CAMLG: variants seen among roughly 807,000 people sequenced by gnomAD.
CAMLG encodes guided entry of tail-anchored proteins factor CAMLG.
CAMLG carries 23 observed loss-of-function variants against 28.9 expected under a neutral mutation model. The ratio of observed to expected loss-of-function variants is 0.80; its 90% CI spans 0.57 to 1.13. CAMLG has a LOEUF of 1.13. Ranked by LOEUF, CAMLG falls within the 50% of genes most tolerant of loss-of-function variation. The pLI, the probability that CAMLG is intolerant of heterozygous loss-of-function variation, is 0.00. For synonymous variants in CAMLG, 141 were observed against 146.5 expected (o/e 0.96, Z 0.27); for missense variants, 367 against 371.9 (o/e 0.99, Z 0.11).
intron 1 of CAMLG, among the ~76,000 whole-genome samples, chr5:134,740,654 G>GT (rs1409205013): frequency 6.6e-6 from 1 of 152,140 alleles, no homozygotes; most frequent in Non-Finnish European, 1.5e-5. Context: ...TGCAGATGGA[G>GT]TGTAGTGGCG....
chr5:134,745,750 CAAA>C (rs57899213), intron 3 of CAMLG, among the ~76,000 whole-genome samples: 1 of 117,044 alleles, frequency 8.5e-6, no homozygotes. Context: ...GAGACTGTCT[CAAA>C]AAAAAAAAAA....
intron 1 of CAMLG, among the ~76,000 whole-genome samples, chr5:134,740,608 G>A (rs997237639): frequency 1.3e-4 from 19 of 151,450 alleles, no homozygotes; most frequent in Non-Finnish European, 4.4e-5. Context: ...TCTTTTTTTT[G>A]TTTTGAGATG....
intron 3 of CAMLG, among the ~76,000 whole-genome samples, chr5:134,745,270 T>C (rs1411543017): frequency 6.6e-6 from 1 of 151,124 alleles, no homozygotes; most frequent in Non-Finnish European, 1.5e-5. Flanking sequence ...ATCCCATCTC[T>C]ACTAAAAATA....
chr5:134,740,311 G>T (rs1752967392), intron 1 of CAMLG, among the ~76,000 whole-genome samples: 2 of 152,110 alleles, frequency 1.3e-5, no homozygotes, highest in Non-Finnish European at 2.9e-5. Flanking sequence ...CACACCCTAT[G>T]CTCATAGGGC....
chr5:134,745,141 G>C (rs1226541070), intron 3 of CAMLG, among the ~76,000 whole-genome samples: 1 of 152,156 alleles, frequency 6.6e-6, no homozygotes, highest in Non-Finnish European at 1.5e-5. Context: ...CATTTGTTTA[G>C]AAATTCACCT....
At chr5:134,749,661 G>A (rs574059578) in intron 3 of CAMLG, among the ~76,000 whole-genome samples, 1 of 152,104 alleles carries the variant, frequency 6.6e-6, no homozygotes, top group African/African-American at 2.4e-5. Flanking sequence ...GAGACTTAAC[G>A]CTTCAAAAAA....
chr5:134,744,271 C>T (rs1189336171), intron 3 of CAMLG, among the ~76,000 whole-genome samples: 1 of 152,128 alleles, frequency 6.6e-6, no homozygotes, highest in Non-Finnish European at 1.5e-5. Context: ...CGCCTGTAAT[C>T]CCCACACTCT....
intron 3 of CAMLG, among the ~76,000 whole-genome samples, chr5:134,749,464 G>A (rs1481749027): frequency 6.6e-6 from 1 of 152,154 alleles, no homozygotes; most frequent in African/African-American, 2.4e-5. Flanking sequence ...AAAAAAATGA[G>A]ACTAGAAAAT....
At chr5:134,740,950 T>C in intron 1 of CAMLG, 113 bp from the exon 2 acceptor site, 1 of 707,882 alleles carries the variant, frequency 1.4e-6, no homozygotes, top group Non-Finnish European at 2.3e-6. Context: ...TTTATTTATT[T>C]TGATGCAGAG....
intron 3 of CAMLG, among the ~76,000 whole-genome samples, chr5:134,744,508 CAG>C (rs1396224993): frequency 3.9e-5 from 5 of 127,028 alleles, no homozygotes; most frequent in Admixed American, 9.5e-5. Flanking sequence ...GTCTGGGTGA[CAG>C]AGTGAGACTC....
rs1752977591 is a variant in CAMLG, at chr5:134,741,154, T to C, written c.264T>C (p.Gly88=). Residue 88 remains glycine (G), a synonymous_variant, in exon 2 of 4, where the codon GGT becomes GGC. Coordinates refer to ENST00000297156, the MANE Select transcript of CAMLG (RefSeq NM_001745.4). ...VPSVSKRVVL[G]DSVSTGTTDQ... Reference sequence around the variant, plus strand: ...CCGTTTCAAAGCGAGTAGTGCTGGGTGATTCAGTCAGTACAGGAACAACTG... The same window carrying C: ...CCGTTTCAAAGCGAGTAGTGCTGGGCGATTCAGTCAGTACAGGAACAACTG... The C allele has an allele frequency of 1.9e-6, 3 of 1,614,050 alleles. No homozygotes were observed. The highest frequency in any genetic ancestry group is 2.5e-6 in the Non-Finnish European group (3 of 1,179,930).
rs1332723202 is a variant in CAMLG at position 134,738,725 on chromosome 5, G to A, written c.105G>A (p.Lys35=). 1 of 1,614,110 alleles carries A rather than the reference G, an allele frequency of 6.2e-7. No homozygotes were observed. The highest frequency in any genetic ancestry group is 1.7e-5 in the Admixed American group (1 of 60,014). ...GTCGGGCGGAGCTGCGTCGGAGAAAGCTGCTCATGAACTCGGAACAGCGCA... is the reference window on the plus strand; with the variant it reads ...GTCGGGCGGAGCTGCGTCGGAGAAAACTGCTCATGAACTCGGAACAGCGCA... ...SQRRAELRRR[K]LLMNSEQRIN... is the part of the protein sequence containing the mutation. The change falls in exon 1 of 4, where the codon AAG becomes AAA. Residue 35 remains lysine, a synonymous_variant. Coordinates refer to ENST00000297156, the MANE Select transcript of CAMLG (RefSeq NM_001745.4).
At position 134,741,397 on chromosome 5, in the gene CAMLG, G is replaced by C; in HGVS notation, c.507G>C (p.Leu169=). 1 of 1,614,104 alleles carries C rather than the reference G, an allele frequency of 6.2e-7. No individual in the cohort carries two copies. The highest frequency in any genetic ancestry group is 1.3e-5 in the African/African-American group (1 of 75,044). Residue 169 remains leucine (L), a synonymous_variant, in exon 2 of 4, where the codon CTG becomes CTC. Coordinates refer to ENST00000297156, the MANE Select transcript of CAMLG (RefSeq NM_001745.4). ...FEEAMKLRKQ[L]ISEKPSQEDG... is the part of the protein sequence containing the mutation. ...AAGCAATGAAGCTAAGGAAACAGCT[G>C]ATTAGTGAAAAACCCAGTCAAGAGG...
chr5:134,741,768 A>C (rs1752989218), intron 2 of CAMLG, among the ~76,000 whole-genome samples: 3 of 152,230 alleles, frequency 2.0e-5, no homozygotes, highest in Admixed American at 1.3e-4. Flanking sequence ...ATGTGGATTC[A>C]ACCAATTGTG....
At chr5:134,741,842 AG>A (rs1335455506) in intron 2 of CAMLG, among the ~76,000 whole-genome samples, 2 of 152,146 alleles carry the variant, frequency 1.3e-5, no homozygotes, top group Non-Finnish European at 2.9e-5. Flanking sequence ...GTTACTTGGG[AG>A]GCTGAGGCAG....
intron 3 of CAMLG, among the ~76,000 whole-genome samples, chr5:134,745,634 C>T (rs1047668389): frequency 6.6e-6 from 1 of 151,818 alleles, no homozygotes; most frequent in Non-Finnish European, 1.5e-5. Flanking sequence ...TGCCTGTAAT[C>T]CCAGCTACTT....
chr5:134,744,677 T>G (rs1380590413), intron 3 of CAMLG, among the ~76,000 whole-genome samples: 1 of 152,218 alleles, frequency 6.6e-6, no homozygotes, highest in Admixed American at 6.5e-5. Context: ...GTATTAAATT[T>G]AATTAGTAAA....
At position 134,750,895 on chromosome 5, in the gene CAMLG, T is replaced by C. The variant is rs1211536614; in HGVS notation, c.836T>C (p.Phe279Ser). Reference protein sequence around the residue: ...EVFTDLCVYFFTFIFCHELLD... With the variant: ...EVFTDLCVYFSTFIFCHELLD... ...TTCACAGATCTCTGTGTCTACTTTT[T>C]CACTTTTATCTTTTGTCATGAACTG... The change falls in exon 4 of 4, where the codon TTC becomes TCC. Residue 279 changes from phenylalanine to serine, a missense_variant. Phe to Ser is a radical substitution (Grantham distance 155). Coordinates refer to ENST00000297156, the MANE Select transcript of CAMLG (RefSeq NM_001745.4). The C allele has an allele frequency of 1.9e-6, 3 of 1,614,072 alleles. No individual in the cohort carries two copies. Among genetic ancestry groups the C allele is most frequent in the Non-Finnish European group, 8.5e-7 (1 of 1,180,006 alleles).
chr5:134,743,296 TA>T (rs1281230010), intron 2 of CAMLG, among the ~76,000 whole-genome samples: 2 of 152,208 alleles, frequency 1.3e-5, no homozygotes, highest in African/African-American at 4.8e-5. Flanking sequence ...TTAAATAATT[TA>T]AAAGATAAGT....
Sources: gnomAD v4.1 joint callset for allele counts (sites outside exome capture counted in the v4.1 genomes callset) on GRCh38, gnomAD v4.1.1 for gene constraint, MANE v1.5 for transcripts, NCBI Gene and HGNC (gene_info 2026-07-23, HGNC 2026-07-21) for gene names.